Variants in GARNL3 observed in about 807,000 individuals in gnomAD.
GARNL3 encodes GTPase-activating Rap/Ran-GAP domain-like protein 3.
GARNL3 carries 63 observed loss-of-function variants against 125.0 expected under a neutral mutation model. That is an observed-to-expected ratio of 0.50 (90% CI 0.41 to 0.62). The LOEUF is 0.62. Among genes scored for constraint, GARNL3 ranks in the 20% least tolerant of loss-of-function variants. The probability of loss-of-function intolerance (pLI) is 0.00; values close to 1 mark genes in which losing one functional copy is unlikely to be tolerated. For synonymous variants in GARNL3, 439 were observed against 457.5 expected (o/e 0.96, Z 0.52); for missense variants, 994 against 1,244.0 (o/e 0.80, Z 3.02).
chr9:127,351,309 A>G (rs974222031), intron 17 of GARNL3, among the ~76,000 whole-genome samples: 1 of 152,126 alleles, frequency 6.6e-6, no homozygotes, highest in Non-Finnish European at 1.5e-5. Flanking sequence ...GTCAGATGTA[A>G]GGAGTATTGT....
upstream of GARNL3, among the ~76,000 whole-genome samples, chr9:127,263,142 T>C (rs2063627527): frequency 6.6e-6 from 1 of 152,238 alleles, no homozygotes; most frequent in South Asian, 2.1e-4. Flanking sequence ...GACGTTGTTT[T>C]CCTTCTGTGA....
At position 127,393,225 on chromosome 9, in the gene GARNL3, T is replaced by C. The variant is rs1832965567; in HGVS notation, c.3013T>C (p.Ser1005Pro). The C allele has an allele frequency of 6.2e-7, 1 of 1,613,496 alleles. No homozygotes were observed. ...GSSPFQLTAF[S>P]DEDIIDLK ...CAGCCCCTTCCAGCTCACGGCTTTC[T>C]CCGATGAAGACATTATAGACTTGAA... Residue 1005 changes from serine to proline, a missense_variant, in exon 28 of 28, where the codon TCC (serine) becomes CCC (proline). By Grantham distance (74) the Ser-to-Pro change is moderately conservative (BLOSUM62 -1). Transcript: ENST00000373387.
intron 20 of GARNL3, among the ~76,000 whole-genome samples, chr9:127,355,980 AG>A (rs1830668542): frequency 1.3e-5 from 2 of 152,178 alleles, no homozygotes; most frequent in African/African-American, 2.4e-5. Context: ...CAGAGGGAGC[AG>A]CCAGGCAAGG....
At chr9:127,363,366 T>G (rs4837147) in intron 21 of GARNL3, 30,948 of 152,152 alleles carry the variant, frequency 0.2, 4,010 homozygotes, top group Admixed American at 0.36. Flanking sequence ...GCTTTTCTGG[T>G]TTTTTTTCTT....
intron 21 of GARNL3, 98 bp downstream of exon 21, chr9:127,357,475 T>C: frequency 8.7e-7 from 1 of 1,151,456 alleles, no homozygotes. Flanking sequence ...TTCTTTAAAA[T>C]TATGTACTAT....
chr9:127,241,794 G>C (rs1417588484), intron 1 of GARNL3, among the ~76,000 whole-genome samples: 1 of 152,028 alleles, frequency 6.6e-6, no homozygotes, highest in Admixed American at 6.5e-5. Flanking sequence ...GTTTGAGACA[G>C]TCTTGCTCTG....
At chr9:127,307,652 A>G (rs2064993067) in intron 2 of GARNL3, among the ~76,000 whole-genome samples, 1 of 152,220 alleles carries the variant, frequency 6.6e-6, no homozygotes, top group African/African-American at 2.4e-5. Flanking sequence ...TAGTATGCCT[A>G]TTGTGATCTC....
chr9:127,263,234 C>T (rs1003939816), upstream of GARNL3, among the ~76,000 whole-genome samples: 3 of 152,156 alleles, frequency 2.0e-5, no homozygotes, highest in Non-Finnish European at 2.9e-5. Flanking sequence ...GAATTGGCAC[C>T]GTGTCTCAGA....
chr9:127,260,121 C>T (rs1232293551), upstream of GARNL3, among the ~76,000 whole-genome samples: 1 of 152,148 alleles, frequency 6.6e-6, no homozygotes, highest in East Asian at 1.9e-4. Flanking sequence ...AACTAATTCC[C>T]AGAGAGGCTG....
intron 22 of GARNL3, among the ~76,000 whole-genome samples, chr9:127,376,394 A>AT (rs1454041336): frequency 1.3e-5 from 2 of 150,952 alleles, no homozygotes; most frequent in Non-Finnish European, 1.5e-5. Flanking sequence ...AATTTTTTGT[A>AT]TTTTTAGTGG....
intron 1 of GARNL3, among the ~76,000 whole-genome samples, chr9:127,272,713 G>A (rs767385021): frequency 7.2e-5 from 11 of 152,128 alleles, no homozygotes; most frequent in Non-Finnish European, 1.5e-4. Context: ...TCCTGACCTC[G>A]TGATCCACCT....
At chr9:127,332,917 A>G (rs78013498) in intron 8 of GARNL3, 106 bp from the exon 9 acceptor site, 18,426 of 793,182 alleles carry the variant, frequency 0.023, 315 homozygotes, top group Middle Eastern at 0.058. Context: ...TTTACCATGC[A>G]TGAATCGGCA....
intron 1 of GARNL3, among the ~76,000 whole-genome samples, chr9:127,225,554 T>C (rs1230692500): frequency 6.6e-6 from 1 of 150,476 alleles, no homozygotes; most frequent in Non-Finnish European, 1.5e-5. Flanking sequence ...TGAACGGCCG[T>C]GGGCTGTGGG....
intron 1 of GARNL3, among the ~76,000 whole-genome samples, chr9:127,228,316 A>C (rs2062948078): frequency 6.6e-6 from 1 of 152,238 alleles, no homozygotes; most frequent in Non-Finnish European, 1.5e-5. Flanking sequence ...AAATTTATAG[A>C]AGTGATGGGA....
chr9:127,358,697 T>C, intron 21 of GARNL3, among the ~76,000 whole-genome samples: 1 of 152,206 alleles, frequency 6.6e-6, no homozygotes, highest in East Asian at 1.9e-4. Context: ...CTCTTATCTA[T>C]ATTGGTGGTG....
chr9:127,266,834 T>C lies in GARNL3; in HGVS notation c.144+1813T>C, dbSNP rs531768119. ...GGAGCGCTTTTAAACAGTGACAACA[T>C]TACTTGGGGGAGATAACATGGGTGT... On this transcript the variant is annotated intron_variant, in intron 1 of 27. Transcript: ENST00000373387. This position sits in a 1 kb window ranked among gnomAD's most constrained non-coding sequence, Gnocchi z 4.0. Among the ~76,000 whole-genome samples the C allele has an allele frequency of 6.6e-6, 1 of 152,286 alleles. No homozygotes were observed. The highest frequency in any genetic ancestry group is 1.9e-4 in the East Asian group (1 of 5,192).
chr9:127,355,708 C>T (rs1408702620), intron 20 of GARNL3, among the ~76,000 whole-genome samples: 1 of 152,182 alleles, frequency 6.6e-6, no homozygotes, highest in Non-Finnish European at 1.5e-5. Context: ...ATGACCAAAA[C>T]AAAGTCTTCT....
chr9:127,345,726 CAG>C (rs750876022), intron 16 of GARNL3, among the ~76,000 whole-genome samples: 2 of 152,244 alleles, frequency 1.3e-5, no homozygotes, highest in Non-Finnish European at 2.9e-5. Flanking sequence ...TCAGGCAGGC[CAG>C]GCCCCACAGG....
intron 1 of GARNL3, among the ~76,000 whole-genome samples, chr9:127,236,477 G>A (rs1289201327): frequency 1.3e-5 from 2 of 152,172 alleles, no homozygotes; most frequent in East Asian, 1.9e-4. Context: ...TAGACCTATT[G>A]TCTCTAGACC....
Sources: gnomAD v4.1 joint callset for allele counts (sites outside exome capture counted in the v4.1 genomes callset) on GRCh38, gnomAD v4.1.1 for gene constraint, Gnocchi (gnomAD v3.1) non-coding constraint, MANE v1.5 for transcripts, NCBI Gene and HGNC (gene_info 2026-07-23, HGNC 2026-07-21) for gene names.